The following PGAP4 variants were observed in gnomAD, a reference collection of about 807,000 sequenced individuals.
The protein encoded by PGAP4 is post-GPI attachment to proteins GalNAc transferase 4.
PGAP4 carries 12 observed loss-of-function variants against 28.2 expected under a neutral mutation model. The observed-to-expected ratio is 0.42, with a 90% CI of 0.27 to 0.69. The LOEUF (loss-of-function observed/expected upper bound fraction) is 0.69, where lower values mean the gene tolerates loss of function less well. PGAP4 is among the 30% of genes least tolerant of loss of function. The pLI, the probability that PGAP4 is intolerant of heterozygous loss-of-function variation, is 0.22. For missense variants in PGAP4, 425 were observed against 513.5 expected, an observed-to-expected ratio of 0.83 and a Z score of 1.67; for synonymous variants, 205 against 211.8, an observed-to-expected ratio of 0.97 and a Z score of 0.28.
rs1826325808 is a variant in PGAP4 at position 101,476,639 on chromosome 9, G to A, written c.454C>T (p.His152Tyr). Residue 152 changes from histidine (H) to tyrosine (Y), a missense_variant, in exon 2 of 2, where the codon CAT (histidine) becomes TAT (tyrosine). By Grantham distance (83) the His-to-Tyr change is moderately conservative. Transcript: ENST00000374848. The surrounding 1 kb of genome is among the most constrained non-coding windows in gnomAD (Gnocchi z 7.0). The part of the protein sequence containing the change: ...FLCNVERSVS[H>Y]FDAKLLSKYV... ...TTGGAGAGCAACTTGGCATCAAAAT[G>A]GCTCACACTACGCTCCACGTTGCAC... is the stretch of plus-strand genomic sequence containing the variant. 1 of 1,614,174 alleles carries A rather than the reference G, an allele frequency of 6.2e-7. No homozygotes were observed. The highest frequency in any genetic ancestry group is 2.2e-5 in the East Asian group (1 of 44,878).
At chr9:101,493,195 A>C (rs955816310) in intron 2 of PGAP4, among the ~76,000 whole-genome samples, 6 of 151,064 alleles carry the variant, frequency 4.0e-5, no homozygotes, top group African/African-American at 1.5e-4. Context: ...CGGAGGTTGC[A>C]GTGAGCCAAG....
At chr9:101,519,155 GGTTTT>G (rs1422447301) in intron 2 of PGAP4, among the ~76,000 whole-genome samples, 1 of 108,714 alleles carries the variant, frequency 9.2e-6, no homozygotes, top group African/African-American at 2.7e-5. Flanking sequence ...ACTTTTGTTT[GGTTTT>G]GTTTTGTTTT....
upstream of PGAP4, among the ~76,000 whole-genome samples, chr9:101,487,471 A>G (rs140148194): frequency 6.6e-5 from 10 of 152,368 alleles, no homozygotes; most frequent in East Asian, 1.9e-3. Flanking sequence ...GCCACGAGAG[A>G]CATAACGCCT....
chr9:101,523,619 CTTTTTTTTTTTTTTTT>C (rs71356369), intron 2 of PGAP4, among the ~76,000 whole-genome samples: 7 of 59,356 alleles, frequency 1.2e-4, no homozygotes, highest in South Asian at 6.6e-4. Context: ...CTTCTTGTAT[CTTTTTTTTTTTTTTTT>C]TTTTTTTTTT....
intron 2 of PGAP4, among the ~76,000 whole-genome samples, chr9:101,526,370 T>C (rs1694055454): frequency 6.6e-6 from 1 of 152,244 alleles, no homozygotes; most frequent in African/African-American, 2.4e-5. Flanking sequence ...TTGGACATAG[T>C]CCATTAAAAG....
At chr9:101,522,191 T>C (rs1826994687) in intron 2 of PGAP4, among the ~76,000 whole-genome samples, 1 of 152,100 alleles carries the variant, frequency 6.6e-6, no homozygotes, top group Non-Finnish European at 1.5e-5. Context: ...TATTCTCCGA[T>C]TGTTGGATGA....
At chr9:101,478,472 G>A (rs2026362) in intron 1 of PGAP4, among the ~76,000 whole-genome samples, 16,612 of 152,222 alleles carry the variant, frequency 0.11, 1,013 homozygotes, top group African/African-American at 0.17. Flanking sequence ...GGAACCATAC[G>A]AGGCTGCTGT....
At chr9:101,520,813 C>T (rs1481273296) in intron 2 of PGAP4, among the ~76,000 whole-genome samples, 4 of 152,162 alleles carry the variant, frequency 2.6e-5, no homozygotes, top group South Asian at 2.1e-4. Context: ...AGAGGGAATG[C>T]TTTCAACTTT....
chr9:101,478,161 T>C (rs1466541904), intron 1 of PGAP4, among the ~76,000 whole-genome samples: 2 of 152,194 alleles, frequency 1.3e-5, no homozygotes, highest in Non-Finnish European at 2.9e-5. Flanking sequence ...TTAAATGTGT[T>C]AGAAAGCAAA....
In PGAP4 at chr9:101,494,428, AT is replaced by A. The variant is rs1033937458; in HGVS notation, c.-164-5229del. ...AACTACAGATAGGTTATGAGAGAAA[AT>A]TTTCTTAAATCTGGAGATAAAAACA... On this transcript the variant is annotated intron_variant, in intron 2 of 3. Coordinates refer to the PGAP4 transcript ENST00000374851. Among the ~76,000 whole-genome samples the A allele has an allele frequency of 5.1e-4, 77 of 151,908 alleles. 1 individual carries two copies. Among genetic ancestry groups the A allele is most frequent in the Non-Finnish European group, 2.1e-4 (14 of 67,842 alleles).
intron 2 of PGAP4, among the ~76,000 whole-genome samples, chr9:101,513,929 G>A (rs12684773): frequency 0.16 from 24,192 of 152,040 alleles, 2,418 homozygotes; most frequent in East Asian, 0.36. Flanking sequence ...CAAATCTGGA[G>A]AGCCTGGAGT....
At chr9:101,508,610 T>C (rs1259001828) in intron 2 of PGAP4, among the ~76,000 whole-genome samples, 1 of 152,178 alleles carries the variant, frequency 6.6e-6, no homozygotes, top group African/African-American at 2.4e-5. Context: ...GCAACGGTCC[T>C]CAACCTTTTT....
intron 2 of PGAP4, among the ~76,000 whole-genome samples, chr9:101,530,698 C>T (rs1220955774): frequency 6.6e-6 from 1 of 152,148 alleles, no homozygotes. Context: ...TCCCAATTCG[C>T]TAGAGTGAGA....
intron 1 of PGAP4, among the ~76,000 whole-genome samples, chr9:101,477,531 C>CG (rs1238035045): frequency 6.6e-6 from 1 of 151,866 alleles, no homozygotes; most frequent in Non-Finnish European, 1.5e-5. Context: ...GTTCTTAAAA[C>CG]GGGGGCAAAA....
At position 101,511,564 on chromosome 9, in the gene PGAP4, C is replaced by T. The variant is rs192423890; in HGVS notation, c.-165+19784G>A. Among the ~76,000 whole-genome samples the T allele has an allele frequency of 6.5e-4, 99 of 152,252 alleles. 1 individual carries two copies. The highest frequency in any genetic ancestry group is 5.9e-4 in the Admixed American group (9 of 15,282). On this transcript the variant is annotated intron_variant, in intron 2 of 3. Coordinates refer to the PGAP4 transcript ENST00000374851. ...AAAATGAAGAGGGTTATATGGTGTT[C>T]CCAGGCTTCCTTAAGGGACCTTTGT...
intron 2 of PGAP4, among the ~76,000 whole-genome samples, chr9:101,519,601 GC>G: frequency 6.6e-6 from 1 of 150,890 alleles, no homozygotes; most frequent in East Asian, 1.9e-4. Flanking sequence ...CTGTGCAAAA[GC>G]TCTTTAATTT....
At chr9:101,533,679 C>T (rs28411396), upstream of PGAP4, 7,629 of 152,334 alleles carry the variant, frequency 0.05, 261 homozygotes, top group South Asian at 0.089. Flanking sequence ...AGGTCGTAGC[C>T]AGGAGAGGGT....
chr9:101,503,981 G>A (rs1164916440), intron 2 of PGAP4, among the ~76,000 whole-genome samples: 2 of 151,924 alleles, frequency 1.3e-5, no homozygotes, highest in Admixed American at 1.3e-4. Flanking sequence ...TCCATGCTAA[G>A]TACCACATAA....
chr9:101,480,918 T>C (rs1235147016), intron 1 of PGAP4, among the ~76,000 whole-genome samples: 1 of 152,212 alleles, frequency 6.6e-6, no homozygotes, highest in Non-Finnish European at 1.5e-5. Flanking sequence ...GCCTGAAGCC[T>C]GTAATCCCAG....
Sources: allele counts gnomAD v4.1 joint callset (sites outside exome capture counted in the v4.1 genomes callset), GRCh38; gene constraint gnomAD v4.1.1; non-coding constraint Gnocchi (gnomAD v3.1); transcripts MANE v1.5; gene names NCBI Gene and HGNC (gene_info 2026-07-23, HGNC 2026-07-21).